PRKN: variants seen among roughly 807,000 people sequenced by gnomAD.
The protein encoded by PRKN is parkin RBR E3 ubiquitin protein ligase.
Under a neutral mutation model 59.5 loss-of-function variants are expected in PRKN, and 56 were observed. That is an observed-to-expected ratio of 0.94 (90% CI 0.76 to 1.18). The LOEUF is 1.18. PRKN is among the 50% of genes most tolerant of loss of function. The probability of loss-of-function intolerance (pLI) is 0.00; values close to 1 mark genes in which losing one functional copy is unlikely to be tolerated. For synonymous variants in PRKN, 250 were observed against 222.1 expected, an observed-to-expected ratio of 1.13 and a Z score of -1.12; for missense variants, 657 against 596.4, an observed-to-expected ratio of 1.10 and a Z score of -1.06.
chr6:162,314,208 A>G (rs1782652741), intron 2 of PRKN, among the ~76,000 whole-genome samples: 1 of 152,148 alleles, frequency 6.6e-6, no homozygotes, highest in Admixed American at 6.5e-5. Context: ...TGGGTTGAGT[A>G]AAGGGAAGCT....
chr6:161,925,347 G>A (rs975318084), intron 6 of PRKN, among the ~76,000 whole-genome samples: 2 of 152,108 alleles, frequency 1.3e-5, no homozygotes, highest in East Asian at 1.9e-4. Flanking sequence ...AGAGGCAGGC[G>A]GATCATGAGG....
Position 161,480,052 on chromosome 6 carries a change from T to C in PRKN, c.1083+68802A>G, listed in dbSNP as rs1410267118. Among the ~76,000 whole-genome samples the C allele has an allele frequency of 6.6e-6, 1 of 152,194 alleles. No homozygotes were observed. Among genetic ancestry groups the C allele is most frequent in the African/African-American group, 2.4e-5 (1 of 41,444 alleles). On this transcript the variant is annotated intron_variant, in intron 9 of 11. Transcript: ENST00000366898. This position sits in a 1 kb window ranked among gnomAD's most constrained non-coding sequence, Gnocchi z 4.1. Reference sequence around the variant, plus strand: ...AAGCCCAGGTGAAGGTGAGCCTCTGTCAGCCTCGGCCTTGATGAGGAGGGC... The same window carrying C: ...AAGCCCAGGTGAAGGTGAGCCTCTGCCAGCCTCGGCCTTGATGAGGAGGGC...
At chr6:161,935,667 T>C (rs79685736) in intron 6 of PRKN, among the ~76,000 whole-genome samples, 1,917 of 152,092 alleles carry the variant, frequency 0.013, 46 homozygotes, top group African/African-American at 0.042. Flanking sequence ...CAGTGAAACT[T>C]AGGTGAAAAA....
chr6:162,192,869 C>T (rs1009665298), intron 4 of PRKN, among the ~76,000 whole-genome samples: 1 of 152,126 alleles, frequency 6.6e-6, no homozygotes, highest in African/African-American at 2.4e-5. Context: ...ACACTCTACA[C>T]AACAAAATGC....
intron 7 of PRKN, among the ~76,000 whole-genome samples, chr6:161,628,183 G>C (rs942786366): frequency 2.0e-4 from 31 of 152,178 alleles, no homozygotes; most frequent in African/African-American, 7.2e-4. Context: ...GTCCAATAAA[G>C]AGTGTAATAA....
At chr6:161,573,562 T>C (rs1247114170) in intron 7 of PRKN, among the ~76,000 whole-genome samples, 1 of 149,288 alleles carries the variant, frequency 6.7e-6, no homozygotes, top group Non-Finnish European at 1.5e-5. Context: ...CTACTAAAAA[T>C]ACAAAAAATT....
chr6:162,265,137 AGT>A (rs1460825180), intron 2 of PRKN: 1 of 152,094 alleles, frequency 6.6e-6, no homozygotes. Context: ...ATGTTCTTCA[AGT>A]GTGTTTGTAC....
At position 161,750,788 on chromosome 6, in the gene PRKN, T is replaced by C. The variant is rs141388380; in HGVS notation, c.871+34984A>G. On this transcript the variant is annotated intron_variant, in intron 7 of 11. Coordinates refer to ENST00000366898, the MANE Select transcript of PRKN (RefSeq NM_004562.3). ...TGTCTCAAAAAAAAAAAAAAAAGTA[T>C]TAAAAATTCTGTCCACGGAATTGAT... 3.5e-3 allele frequency among the ~76,000 whole-genome samples: 525 copies of C among 150,844 alleles called. 3 individuals are homozygous for C. The highest frequency in any genetic ancestry group is 0.012 in the African/African-American group (500 of 41,088).
intron 6 of PRKN, among the ~76,000 whole-genome samples, chr6:161,846,972 T>C (rs1320470739): frequency 6.6e-6 from 1 of 152,110 alleles, no homozygotes; most frequent in Non-Finnish European, 1.5e-5. Context: ...TTTGTTTGAT[T>C]CCATTATTAA....
chr6:162,235,973 GAA>G (rs1338266487), intron 3 of PRKN, among the ~76,000 whole-genome samples: 1 of 95,988 alleles, frequency 1.0e-5, no homozygotes, highest in African/African-American at 6.5e-5. Context: ...AAGAAAGAAA[GAA>G]AGAAAGAAAG....
At chr6:162,387,814 C>T (rs1034319613) in intron 2 of PRKN, among the ~76,000 whole-genome samples, 18 of 152,168 alleles carry the variant, frequency 1.2e-4, no homozygotes, top group African/African-American at 3.9e-4. Flanking sequence ...CAGAAGAATG[C>T]GTCAGGTGGA....
chr6:162,494,481 C>T (rs1021745311), intron 1 of PRKN, among the ~76,000 whole-genome samples: 4 of 152,178 alleles, frequency 2.6e-5, no homozygotes, highest in Non-Finnish European at 5.9e-5. Context: ...CAGAGCCTGC[C>T]ATGTGGACTT....
chr6:162,333,407 C>T (rs1457282085), intron 2 of PRKN, among the ~76,000 whole-genome samples: 5 of 152,048 alleles, frequency 3.3e-5, no homozygotes, highest in Non-Finnish European at 7.4e-5. Flanking sequence ...ATTTTGCCAA[C>T]AGCCATGTGC....
At chr6:161,813,353 C>A (rs934640519) in intron 6 of PRKN, among the ~76,000 whole-genome samples, 1 of 152,134 alleles carries the variant, frequency 6.6e-6, no homozygotes, top group Admixed American at 6.5e-5. Context: ...CCAGCCTCAC[C>A]GGGCTGCGGC....
chr6:161,717,715 A>G (rs189224814), intron 7 of PRKN, among the ~76,000 whole-genome samples: 2 of 152,380 alleles, frequency 1.3e-5, no homozygotes, highest in African/African-American at 4.8e-5. Context: ...AGTAGCCATG[A>G]TAACTCTGTG....
chr6:161,897,075 A>T (rs938778091), intron 6 of PRKN, among the ~76,000 whole-genome samples: 1 of 152,170 alleles, frequency 6.6e-6, no homozygotes, highest in Non-Finnish European at 1.5e-5. Context: ...TCTCTTCTAC[A>T]TGTTGGACAC....
intron 5 of PRKN, among the ~76,000 whole-genome samples, chr6:162,015,141 T>C (rs753945500): frequency 3.9e-5 from 6 of 152,176 alleles, no homozygotes; most frequent in African/African-American, 1.4e-4. Flanking sequence ...TATTGTCAAG[T>C]GTTTCCTCTA....
chr6:162,458,124 C>G (rs1790973992), intron 1 of PRKN, among the ~76,000 whole-genome samples: 1 of 149,606 alleles, frequency 6.7e-6, no homozygotes, highest in Non-Finnish European at 1.5e-5. Context: ...CGTGGTGGCA[C>G]ACACCTGTAA....
intron 2 of PRKN, among the ~76,000 whole-genome samples, chr6:162,353,516 TA>T (rs909041746): frequency 6.6e-6 from 1 of 152,170 alleles, no homozygotes; most frequent in Non-Finnish European, 1.5e-5. Context: ...AATAAATTTT[TA>T]AAAAAATTCA....
Sources: allele counts gnomAD v4.1 joint callset (sites outside exome capture counted in the v4.1 genomes callset), GRCh38; gene constraint gnomAD v4.1.1; non-coding constraint Gnocchi (gnomAD v3.1); transcripts MANE v1.5; gene names NCBI Gene and HGNC (gene_info 2026-07-23, HGNC 2026-07-21).